Variants in IQCM observed in about 807,000 individuals in gnomAD.
IQCM encodes the protein IQ domain-containing protein M.
Under a neutral mutation model 57.6 loss-of-function variants are expected in IQCM, and 45 were observed. That is an observed-to-expected ratio of 0.78 (90% CI 0.62 to 1.00). The LOEUF is 1.00. IQCM is among the 50% of genes least tolerant of loss of function. The pLI is 0.00. For missense variants in IQCM, 468 were observed against 511.6 expected, an observed-to-expected ratio of 0.91 and a Z score of 0.82; for synonymous variants, 148 against 158.9, an observed-to-expected ratio of 0.93 and a Z score of 0.51.
intron 8 of IQCM, among the ~76,000 whole-genome samples, chr4:149,590,247 C>CTTTTT (rs71596214): frequency 1.0e-3 from 76 of 73,522 alleles, no homozygotes; most frequent in Middle Eastern, 0.016. Flanking sequence ...TTTTTCTTTC[C>CTTTTT]TTTTTTTTTT....
chr4:149,683,516 T>C (rs1316596270), intron 6 of IQCM, among the ~76,000 whole-genome samples: 1 of 151,236 alleles, frequency 6.6e-6, no homozygotes, highest in African/African-American at 2.4e-5. Context: ...CCCACAGAGT[T>C]GGCCAAAGGA....
chr4:149,570,630 G>A (rs1910461), intron 9 of IQCM, among the ~76,000 whole-genome samples: 115,116 of 151,970 alleles, frequency 0.76, 44,076 homozygotes, highest in South Asian at 0.9. Context: ...CATTATGAAA[G>A]AATATAATGT....
intron 12 of IQCM, among the ~76,000 whole-genome samples, chr4:149,512,008 G>A (rs899934211): frequency 2.4e-4 from 36 of 152,122 alleles, no homozygotes; most frequent in African/African-American, 7.0e-4. Context: ...GGTGCTTAGT[G>A]AACAAGACAG....
chr4:149,598,633 A>C (rs1223812304), intron 8 of IQCM, among the ~76,000 whole-genome samples: 1 of 147,408 alleles, frequency 6.8e-6, no homozygotes, highest in Non-Finnish European at 1.5e-5. Flanking sequence ...GCCCAGAAAC[A>C]TACAAAAATT....
At chr4:149,486,474 C>G (rs1241618145) in intron 12 of IQCM, among the ~76,000 whole-genome samples, 1 of 152,240 alleles carries the variant, frequency 6.6e-6, no homozygotes, top group Admixed American at 6.5e-5. Context: ...CTCGGCCAGG[C>G]ACTGTGGCTC....
chr4:149,529,013 A>C (rs1746465441), intron 12 of IQCM, among the ~76,000 whole-genome samples: 1 of 152,202 alleles, frequency 6.6e-6, no homozygotes, highest in East Asian at 1.9e-4. Flanking sequence ...GCACAGAGAC[A>C]TAATATTTAA....
chr4:149,397,828 C>T (rs2111114831), intron 13 of IQCM, among the ~76,000 whole-genome samples: 1 of 151,806 alleles, frequency 6.6e-6, no homozygotes, highest in Non-Finnish European at 1.5e-5. Flanking sequence ...GAGATTAACC[C>T]CTTATCAGAT....
intron 8 of IQCM, among the ~76,000 whole-genome samples, chr4:149,620,573 C>T (rs1232108373): frequency 6.6e-6 from 1 of 152,210 alleles, no homozygotes; most frequent in Admixed American, 6.5e-5. Flanking sequence ...GTCTGAATAA[C>T]ATGAGTTTCT....
At chr4:149,642,177 C>T (rs1166881394) in intron 7 of IQCM, among the ~76,000 whole-genome samples, 1 of 152,108 alleles carries the variant, frequency 6.6e-6, no homozygotes, top group African/African-American at 2.4e-5. Context: ...CTTCAGTAAA[C>T]TTTCAAGCCA....
chr4:149,505,504 T>C (rs989812147), intron 12 of IQCM, among the ~76,000 whole-genome samples: 2 of 152,200 alleles, frequency 1.3e-5, no homozygotes, highest in African/African-American at 4.8e-5. Context: ...TGTTGCTCTA[T>C]AGTTTTTACC....
chr4:149,638,148 T>C (rs1033495903), intron 7 of IQCM, among the ~76,000 whole-genome samples: 23 of 151,966 alleles, frequency 1.5e-4, no homozygotes, highest in Admixed American at 3.3e-4. Flanking sequence ...CAATAGAAAA[T>C]AGACAAATAA....
chr4:149,788,296 T>C (rs918781645), intron 2 of IQCM, among the ~76,000 whole-genome samples: 3 of 152,174 alleles, frequency 2.0e-5, no homozygotes, highest in Non-Finnish European at 4.4e-5. Context: ...ATTGCACCAC[T>C]GGACTCCAGC....
intron 12 of IQCM, 66 bp from the exon 13 acceptor site, chr4:149,433,623 T>A: frequency 1.7e-6 from 1 of 601,882 alleles, no homozygotes; most frequent in Non-Finnish European, 2.4e-6. Flanking sequence ...TTGCTTCTTT[T>A]AAGGGATGCA....
At chr4:149,786,725 G>A (rs531466576) in intron 2 of IQCM, among the ~76,000 whole-genome samples, 21 of 152,154 alleles carry the variant, frequency 1.4e-4, no homozygotes, top group Non-Finnish European at 2.9e-4. Context: ...CTTTTACACT[G>A]TTGGTGGGAA....
At chr4:149,763,300 C>G (rs771769096) in intron 2 of IQCM, among the ~76,000 whole-genome samples, 1 of 152,024 alleles carries the variant, frequency 6.6e-6, no homozygotes, top group Non-Finnish European at 1.5e-5. Flanking sequence ...GATGGACAAG[C>G]AGATCCCAAA....
At chr4:149,471,996 A>T (rs1446376099) in intron 12 of IQCM, among the ~76,000 whole-genome samples, 13 of 152,188 alleles carry the variant, frequency 8.5e-5, no homozygotes. Flanking sequence ...TATTTATGAC[A>T]AACCCACAGC....
intron 12 of IQCM, among the ~76,000 whole-genome samples, chr4:149,439,419 G>T (rs1735683876): frequency 1.3e-5 from 2 of 151,960 alleles, no homozygotes. Context: ...AAGGGCTTTA[G>T]ATAGAAACAC....
chr4:149,472,013 C>G, intron 12 of IQCM, among the ~76,000 whole-genome samples: 1 of 152,164 alleles, frequency 6.6e-6, no homozygotes, highest in East Asian at 1.9e-4. Context: ...CAGCCAATAT[C>G]ATACTGAATG....
At chr4:149,720,047 G>A (rs546939730) in intron 5 of IQCM, among the ~76,000 whole-genome samples, 1 of 152,154 alleles carries the variant, frequency 6.6e-6, no homozygotes, top group African/African-American at 2.4e-5. Flanking sequence ...ACATAAAGCT[G>A]ACAGAATGAC....
Sources: allele counts gnomAD v4.1 joint callset (sites outside exome capture counted in the v4.1 genomes callset), GRCh38; gene constraint gnomAD v4.1.1; transcripts MANE v1.5; gene names NCBI Gene and HGNC (gene_info 2026-07-23, HGNC 2026-07-21).